The following UBE2F variants were observed in gnomAD, a reference collection of about 807,000 sequenced individuals.
UBE2F encodes NEDD8-conjugating enzyme UBE2F.
A neutral mutation model predicts 29.6 loss-of-function variants in UBE2F; 5 were observed. That is an observed-to-expected ratio of 0.17 (90% CI 0.09 to 0.36). The LOEUF (loss-of-function observed/expected upper bound fraction) is 0.36, where lower values mean the gene tolerates loss of function less well. UBE2F is among the 10% of genes least tolerant of loss of function. UBE2F has a pLI of 1.00. For missense variants in UBE2F, 141 were observed against 228.5 expected (o/e 0.62, Z 2.47); for synonymous variants, 66 against 81.8 (o/e 0.81, Z 1.04).
intron 4 of UBE2F, among the ~76,000 whole-genome samples, chr2:238,003,811 GCT>G (rs2063846367): frequency 6.6e-6 from 1 of 152,070 alleles, no homozygotes; most frequent in Non-Finnish European, 1.5e-5. Flanking sequence ...TAGATAGACA[GCT>G]CTCTGCCTTT....
At chr2:237,981,396 T>C (rs1164816992) in intron 2 of UBE2F, among the ~76,000 whole-genome samples, 1 of 152,108 alleles carries the variant, frequency 6.6e-6, no homozygotes, top group Non-Finnish European at 1.5e-5. Flanking sequence ...TCTGCCCTGG[T>C]GGAACTAAAA....
At chr2:238,001,597 C>G (rs1020759932) in intron 4 of UBE2F, among the ~76,000 whole-genome samples, 3 of 152,088 alleles carry the variant, frequency 2.0e-5, no homozygotes, top group East Asian at 3.9e-4. Flanking sequence ...GCGGGTGGAT[C>G]ATGAGGTCAG....
chr2:238,020,490 C>G (rs1180246748), intron 5 of UBE2F, among the ~76,000 whole-genome samples: 2 of 152,178 alleles, frequency 1.3e-5, no homozygotes, highest in Non-Finnish European at 2.9e-5. Context: ...ACTGCCATGA[C>G]TGACTTGACA....
chr2:238,018,325 A>G (rs1444887761), intron 5 of UBE2F, among the ~76,000 whole-genome samples: 2 of 152,236 alleles, frequency 1.3e-5, no homozygotes, highest in Middle Eastern at 3.2e-3. Flanking sequence ...TCTGGATGTC[A>G]TAGCAGGGAG....
intron 3 of UBE2F, among the ~76,000 whole-genome samples, chr2:237,989,605 A>T (rs1476114811): frequency 6.6e-6 from 1 of 152,002 alleles, no homozygotes; most frequent in Non-Finnish European, 1.5e-5. Flanking sequence ...CTTCTGCCTC[A>T]GCCTCCCAAA....
At chr2:238,020,128 T>C (rs1331264374) in intron 5 of UBE2F, among the ~76,000 whole-genome samples, 1 of 152,208 alleles carries the variant, frequency 6.6e-6, no homozygotes, top group Non-Finnish European at 1.5e-5. Flanking sequence ...GCCATATTTA[T>C]AATGAATCAT....
rs1278824559 is a variant in UBE2F, at chr2:237,967,165, CGA to C, written c.-17+35_-17+36del. 41 of 1,176,086 alleles carry C rather than the reference CGA, an allele frequency of 3.5e-5. No individual in the cohort carries two copies. Among genetic ancestry groups the C allele is most frequent in the Non-Finnish European group, 4.2e-5 (40 of 952,738 alleles). 72.9% of individuals were successfully genotyped at this position (1,176,086 alleles called of 1,614,324 possible). ...GCGACCGTGCGGCTCTGCGGCGGGG[CGA>C]GGTGCGGCCGCCGGTGCACGGGCTG... is the stretch of plus-strand genomic sequence containing the variant. On this transcript the variant is annotated intron_variant, in intron 1 of 9. Coordinates refer to ENST00000272930, the MANE Select transcript of UBE2F (RefSeq NM_080678.3). The surrounding 1 kb of genome is among the most constrained non-coding windows in gnomAD (Gnocchi z 6.3).
chr2:238,016,712 G>A, intron 5 of UBE2F, 79 bp downstream of exon 5: 2 of 1,226,610 alleles, frequency 1.6e-6, no homozygotes, highest in South Asian at 2.6e-5. Context: ...CTGGCACAGG[G>A]CCCTAGCACT....
chr2:238,041,111 G>C (rs1052350249), intron 9 of UBE2F, among the ~76,000 whole-genome samples, 177 bp from the exon 10 acceptor site: 1 of 152,120 alleles, frequency 6.6e-6, no homozygotes, highest in African/African-American at 2.4e-5. Flanking sequence ...CGTGCAGTAG[G>C]CACCCAGGTC....
At chr2:237,973,366 T>TA in intron 2 of UBE2F, 141 bp downstream of exon 2, 1 of 988,986 alleles carries the variant, frequency 1.0e-6, no homozygotes, top group Non-Finnish European at 1.5e-6. Context: ...GCTTATCTCT[T>TA]ATAGTGAAGG....
intron 5 of UBE2F, among the ~76,000 whole-genome samples, chr2:238,021,694 T>C (rs1186052739): frequency 6.6e-6 from 1 of 152,258 alleles, no homozygotes; most frequent in Non-Finnish European, 1.5e-5. Flanking sequence ...TGTAAAGGGC[T>C]AAGCAATAAA....
chr2:238,014,336 A>G (rs769576855), intron 4 of UBE2F, among the ~76,000 whole-genome samples: 1 of 152,228 alleles, frequency 6.6e-6, no homozygotes, highest in African/African-American at 2.4e-5. Context: ...CCTGAGAGAG[A>G]TTTGTTTCAT....
intron 4 of UBE2F, among the ~76,000 whole-genome samples, chr2:238,008,041 C>T (rs779553950): frequency 3.3e-5 from 5 of 152,210 alleles, no homozygotes; most frequent in Non-Finnish European, 4.4e-5. Context: ...GCAGCCTCAA[C>T]ATCCTGGGCT....
intron 6 of UBE2F, among the ~76,000 whole-genome samples, chr2:238,029,390 CAT>C (rs2106403580): frequency 1.3e-5 from 2 of 152,062 alleles, no homozygotes; most frequent in Non-Finnish European, 2.9e-5. Context: ...AGATCGAGAC[CAT>C]CCTGGTTAAC....
chr2:237,972,227 A>C (rs1397764716), intron 1 of UBE2F, among the ~76,000 whole-genome samples: 1 of 152,250 alleles, frequency 6.6e-6, no homozygotes, highest in South Asian at 2.1e-4. Flanking sequence ...TTAAGGCTCT[A>C]TCCACACCTT....
chr2:237,999,402 A>C (rs1450083297), intron 4 of UBE2F, among the ~76,000 whole-genome samples: 2 of 152,184 alleles, frequency 1.3e-5, no homozygotes, highest in Non-Finnish European at 2.9e-5. Context: ...GCAGTTTATC[A>C]GTTTTTTAAT....
At chr2:238,007,644 G>C (rs1018824304) in intron 4 of UBE2F, among the ~76,000 whole-genome samples, 2 of 151,906 alleles carry the variant, frequency 1.3e-5, no homozygotes, top group Admixed American at 1.3e-4. Context: ...TGGTTTTTCT[G>C]TTTTGGTCTG....
intron 7 of UBE2F, 55 bp downstream of exon 7, chr2:238,030,668 C>T: frequency 2.2e-6 from 3 of 1,359,122 alleles, no homozygotes; most frequent in Admixed American, 1.7e-5. Flanking sequence ...CCTCTCCCTG[C>T]AGTAGCCAGC....
At chr2:237,994,507 T>G (rs1241735436) in intron 3 of UBE2F, among the ~76,000 whole-genome samples, 1 of 152,208 alleles carries the variant, frequency 6.6e-6, no homozygotes, top group African/African-American at 2.4e-5. Flanking sequence ...CATCTCTATT[T>G]GGAATTAACT....
Sources: gnomAD v4.1 joint callset for allele counts (sites outside exome capture counted in the v4.1 genomes callset) on GRCh38, gnomAD v4.1.1 for gene constraint, Gnocchi (gnomAD v3.1) non-coding constraint, MANE v1.5 for transcripts, NCBI Gene and HGNC (gene_info 2026-07-23, HGNC 2026-07-21) for gene names.